SNTB1: variants seen among roughly 807,000 people sequenced by gnomAD.
SNTB1 encodes the protein syntrophin beta 1.
In SNTB1, 36 loss-of-function variants were observed where a neutral mutation model predicts 48.9. That is an observed-to-expected ratio of 0.74 (90% CI 0.56 to 0.97). The LOEUF (loss-of-function observed/expected upper bound fraction) is 0.97, where lower values mean the gene tolerates loss of function less well. Among genes scored for constraint, SNTB1 ranks in the 50% least tolerant of loss-of-function variants. The probability of loss-of-function intolerance (pLI) is 0.00; values close to 1 mark genes in which losing one functional copy is unlikely to be tolerated. For missense variants in SNTB1, 786 were observed against 703.4 expected (o/e 1.12, Z -1.33); for synonymous variants, 299 against 294.6 (o/e 1.01, Z -0.15).
chr8:120,595,853 G>A (rs1816314320), intron 3 of SNTB1, among the ~76,000 whole-genome samples: 1 of 152,124 alleles, frequency 6.6e-6, no homozygotes. Flanking sequence ...AAAGTGTTGG[G>A]ATTCCTCTAC....
intron 2 of SNTB1, among the ~76,000 whole-genome samples, chr8:120,653,268 G>T (rs1817438544): frequency 6.6e-6 from 1 of 152,054 alleles, no homozygotes; most frequent in East Asian, 1.9e-4. Flanking sequence ...ATTAGGGTGG[G>T]TCCTAAATCC....
intron 1 of SNTB1, 124 bp downstream of exon 1, chr8:120,811,149 C>A: frequency 7.7e-7 from 1 of 1,302,138 alleles, no homozygotes; most frequent in South Asian, 1.6e-5. Flanking sequence ...CCCCAACACA[C>A]ACACACCCGG....
chr8:120,628,330 C>G (rs550772074), intron 3 of SNTB1, among the ~76,000 whole-genome samples: 1 of 152,246 alleles, frequency 6.6e-6, no homozygotes, highest in Non-Finnish European at 1.5e-5. Flanking sequence ...GTAATGATAA[C>G]TGTAAAAGGA....
intron 4 of SNTB1, among the ~76,000 whole-genome samples, chr8:120,565,264 T>C (rs963559601): frequency 1.3e-5 from 2 of 152,126 alleles, no homozygotes; most frequent in African/African-American, 2.4e-5. Context: ...AATTAGAAAA[T>C]ACTAAATTTA....
intron 1 of SNTB1, among the ~76,000 whole-genome samples, chr8:120,796,105 T>C (rs188063745): frequency 2.2e-4 from 34 of 151,856 alleles, no homozygotes; most frequent in African/African-American, 7.5e-4. Flanking sequence ...TGATAGTGAG[T>C]GAGTTTTCAA....
intron 1 of SNTB1, among the ~76,000 whole-genome samples, chr8:120,800,403 T>C (rs1158553435): frequency 2.0e-5 from 3 of 152,048 alleles, no homozygotes; most frequent in African/African-American, 4.8e-5. Flanking sequence ...CAGTGAGAGA[T>C]TAAAGACATT....
chr8:120,746,489 C>T (rs1420226561), intron 1 of SNTB1, among the ~76,000 whole-genome samples: 7 of 152,076 alleles, frequency 4.6e-5, no homozygotes, highest in African/African-American at 7.2e-5. Flanking sequence ...GCCCCAAGCC[C>T]CGTGTTGTTC....
intron 1 of SNTB1, among the ~76,000 whole-genome samples, chr8:120,719,814 C>T (rs1351674138): frequency 6.6e-6 from 1 of 152,202 alleles, no homozygotes; most frequent in East Asian, 1.9e-4. Flanking sequence ...TACACTTACT[C>T]TCCCAGATTT....
At chr8:120,634,979 G>A (rs1004546128) in intron 2 of SNTB1, among the ~76,000 whole-genome samples, 1 of 151,890 alleles carries the variant, frequency 6.6e-6, no homozygotes, top group African/African-American at 2.4e-5. Flanking sequence ...AGCCTCCCGA[G>A]TAGCTGGGAC....
chr8:120,538,944 T>C lies in SNTB1; in HGVS notation c.1550A>G (p.Lys517Arg), dbSNP rs141683322. The C allele has an allele frequency of 2.5e-6, 4 of 1,613,456 alleles. No individual in the cohort carries two copies. The highest frequency in any genetic ancestry group is 3.4e-6 in the Non-Finnish European group (4 of 1,179,716). Residue 517 changes from lysine to arginine, a missense_variant, in exon 7 of 7, where the codon AAG becomes AGG. Physicochemically the swap from Lys to Arg is conservative, Grantham distance 26. Transcript: ENST00000517992. ...GGAATGAATGATGAAAACAATTGGC[T>C]TGGGGCAGGAATGAAGGTCCAGTTG... ...EIQLDLHSCP[K>R]PIVFIIHSFL...
chr8:120,561,796 C>T lies in SNTB1; in HGVS notation c.1137-12838G>A, dbSNP rs543848856. The stretch of plus-strand genomic sequence containing the variant: ...CACTCGGCTTTTCCTCTATTTCATA[C>T]CGCCTCCAGATATTCTCCTACCATC... On this transcript the variant is annotated intron_variant, in intron 4 of 6. Transcript: ENST00000517992. Among the ~76,000 whole-genome samples, 117 of 152,314 alleles carry T rather than the reference C, an allele frequency of 7.7e-4. 1 individual carries two copies. The highest frequency in any genetic ancestry group is 2.6e-3 in the African/African-American group (107 of 41,562).
At chr8:120,677,253 C>T (rs1188334014) in intron 2 of SNTB1, among the ~76,000 whole-genome samples, 1 of 152,154 alleles carries the variant, frequency 6.6e-6, no homozygotes, top group Non-Finnish European at 1.5e-5. Flanking sequence ...TATCTGACAG[C>T]AGGCCAGAGA....
At chr8:120,811,144 A>G in intron 1 of SNTB1, 129 bp downstream of exon 1, 1 of 1,109,990 alleles carries the variant, frequency 9.0e-7, no homozygotes, top group South Asian at 1.9e-5. Context: ...CCCCCCCCCA[A>G]CACACACACA....
At chr8:120,608,151 T>C (rs146940065) in intron 3 of SNTB1, among the ~76,000 whole-genome samples, 1 of 152,318 alleles carries the variant, frequency 6.6e-6, no homozygotes, top group East Asian at 1.9e-4. Flanking sequence ...TTGACCCAGG[T>C]ACACAGAATT....
At chr8:120,682,949 T>C (rs1587086183) in intron 2 of SNTB1, among the ~76,000 whole-genome samples, 1 of 148,180 alleles carries the variant, frequency 6.7e-6, no homozygotes, top group African/African-American at 2.5e-5. Context: ...TGGCGCTATC[T>C]CGGCTCACTG....
intron 4 of SNTB1, among the ~76,000 whole-genome samples, chr8:120,573,304 C>T (rs1815887919): frequency 6.6e-6 from 1 of 152,192 alleles, no homozygotes; most frequent in African/African-American, 2.4e-5. Flanking sequence ...TTTTGAATTG[C>T]ATTTCTCAGA....
chr8:120,700,152 A>T lies in SNTB1; in HGVS notation c.572-6244T>A, dbSNP rs565297486. 2.3e-4 allele frequency among the ~76,000 whole-genome samples: 29 copies of T among 126,988 alleles called. 1 individual carries two copies. The East Asian group carries it at 8.1e-3, about 36-fold the overall frequency. 83.3% of individuals were successfully genotyped at this position (126,988 alleles called of 152,430 possible). A position where few individuals can be genotyped will look rare whatever the true frequency, so the allele number is the denominator to read the frequency against. On this transcript the variant is annotated intron_variant, in intron 1 of 6. Coordinates refer to ENST00000517992, the MANE Select transcript of SNTB1 (RefSeq NM_021021.4). ...ATACTGATTCTCGCTCTGAAAAAAA[A>T]TTGCGTGTGTGTGTGTGTGTGTGTG...
intron 2 of SNTB1, among the ~76,000 whole-genome samples, chr8:120,668,916 A>T (rs776895399): frequency 1.3e-5 from 2 of 152,200 alleles, no homozygotes; most frequent in Non-Finnish European, 2.9e-5. Flanking sequence ...TATTCCCATA[A>T]CCATAATAGA....
At chr8:120,605,727 T>A (rs946986799) in intron 3 of SNTB1, among the ~76,000 whole-genome samples, 1 of 152,092 alleles carries the variant, frequency 6.6e-6, no homozygotes, top group African/African-American at 2.4e-5. Flanking sequence ...AAAGCCCCAG[T>A]GTAATATTAG....
Sources: gnomAD v4.1 joint callset for allele counts (sites outside exome capture counted in the v4.1 genomes callset) on GRCh38, gnomAD v4.1.1 for gene constraint, MANE v1.5 for transcripts, NCBI Gene and HGNC (gene_info 2026-07-23, HGNC 2026-07-21) for gene names.